The following AUTS2 variants were observed in gnomAD, a reference collection of about 807,000 sequenced individuals.
The protein encoded by AUTS2 is activator of transcription and developmental regulator AUTS2, also known as autism susceptibility gene 2 protein.
A neutral mutation model predicts 112.4 loss-of-function variants in AUTS2; 17 were observed. That is an observed-to-expected ratio of 0.15 (90% CI 0.10 to 0.23). The LOEUF (loss-of-function observed/expected upper bound fraction) is 0.23, where lower values mean the gene tolerates loss of function less well. Among genes scored for constraint, AUTS2 ranks in the 10% least tolerant of loss-of-function variants. The pLI is 1.00. For missense variants in AUTS2, 1,510 were observed against 1,701.6 expected (o/e 0.89, Z 1.98); for synonymous variants, 751 against 702.7 (o/e 1.07, Z -1.09).
intron 2 of AUTS2, among the ~76,000 whole-genome samples, chr7:70,045,334 T>G (rs1444053944): frequency 6.6e-6 from 1 of 152,152 alleles, no homozygotes; most frequent in Admixed American, 6.5e-5. Flanking sequence ...CAGTTCTAAT[T>G]GAGGTGTGCT....
intron 4 of AUTS2, among the ~76,000 whole-genome samples, chr7:70,147,041 A>G (rs1400795569): frequency 2.0e-5 from 3 of 152,114 alleles, no homozygotes; most frequent in African/African-American, 7.2e-5. Flanking sequence ...CACATTACCA[A>G]GTTGTTACAA....
rs763424098 is a variant in AUTS2, at chr7:69,891,774, C to CTTTTTTTTTTTTTTTTTTTTTTTT, written c.310-7498_310-7475dup. On this transcript the variant is annotated intron_variant, in intron 1 of 18. Transcript: ENST00000342771. ...ATTCATTCACTTTCCAGACAGATAT[C>CTTTTTTTTTTTTTTTTTTTTTTTT]TTTTTTTTTTTTTTTTTTTTTTTTT... Among the ~76,000 whole-genome samples the CTTTTTTTTTTTTTTTTTTTTTTTT allele has an allele frequency of 1.1e-4, 3 of 26,734 alleles. 1 individual carries two copies. The highest frequency in any genetic ancestry group is 1.1e-4 in the African/African-American group (1 of 9,286). 17.5% of individuals were successfully genotyped at this position (26,734 alleles called of 152,430 possible). A position where few individuals can be genotyped will look rare whatever the true frequency, so the allele number is the denominator to read the frequency against.
intron 2 of AUTS2, among the ~76,000 whole-genome samples, chr7:70,043,901 G>A (rs1261657463): frequency 6.6e-6 from 1 of 151,892 alleles, no homozygotes; most frequent in East Asian, 1.9e-4. Flanking sequence ...GAGCCACTGG[G>A]CCCGGCCTCC....
chr7:70,591,487 C>T (rs1220081672), intron 5 of AUTS2, among the ~76,000 whole-genome samples: 1 of 152,150 alleles, frequency 6.6e-6, no homozygotes, highest in African/African-American at 2.4e-5. Flanking sequence ...CAACCTCCAC[C>T]TCCAGGTTCA....
chr7:69,959,705 T>C (rs1797355379), intron 2 of AUTS2, among the ~76,000 whole-genome samples: 1 of 152,192 alleles, frequency 6.6e-6, no homozygotes, highest in Non-Finnish European at 1.5e-5. Flanking sequence ...TCTGAACTAT[T>C]TCTCTCTCTT....
intron 1 of AUTS2, among the ~76,000 whole-genome samples, chr7:69,843,736 C>G (rs553127715): frequency 1.4e-4 from 22 of 152,192 alleles, no homozygotes; most frequent in Admixed American, 4.6e-4. Flanking sequence ...TCTCATGGCC[C>G]TAGCTCAAAT....
At chr7:70,576,598 T>C (rs1802179494) in intron 5 of AUTS2, among the ~76,000 whole-genome samples, 1 of 152,178 alleles carries the variant, frequency 6.6e-6, no homozygotes, top group African/African-American at 2.4e-5. Context: ...CAACATCTTC[T>C]GTGTAATTTC....
intron 1 of AUTS2, among the ~76,000 whole-genome samples, chr7:69,700,398 A>AT (rs956501568): frequency 1.6e-4 from 23 of 148,260 alleles, no homozygotes; most frequent in Admixed American, 4.7e-4. Context: ...GATTACGGGG[A>AT]TTTTTTTTTT....
intron 4 of AUTS2, among the ~76,000 whole-genome samples, chr7:70,158,606 G>A (rs2129577104): frequency 6.6e-6 from 1 of 152,276 alleles, no homozygotes; most frequent in African/African-American, 2.4e-5. Flanking sequence ...CATTTTGGGT[G>A]TATTCATTTT....
chr7:69,749,791 A>G (rs1490474731), intron 1 of AUTS2, among the ~76,000 whole-genome samples: 1 of 152,230 alleles, frequency 6.6e-6, no homozygotes, highest in Non-Finnish European at 1.5e-5. Context: ...ACAAAAATAA[A>G]TAACAGCAAG....
At chr7:70,546,529 A>G (rs1440082762) in intron 5 of AUTS2, among the ~76,000 whole-genome samples, 1 of 152,210 alleles carries the variant, frequency 6.6e-6, no homozygotes, top group African/African-American at 2.4e-5. Context: ...CTGTAATCCC[A>G]GCACTTTGGG....
intron 5 of AUTS2, among the ~76,000 whole-genome samples, chr7:70,652,335 AAAG>A (rs1806549279): frequency 2.1e-5 from 3 of 145,968 alleles, no homozygotes; most frequent in Non-Finnish European, 4.6e-5. Context: ...AACACCAGCA[AAAG>A]TACTTCTGCC....
At chr7:70,190,309 G>A (rs968181490) in intron 4 of AUTS2, among the ~76,000 whole-genome samples, 3 of 152,136 alleles carry the variant, frequency 2.0e-5, no homozygotes, top group African/African-American at 7.2e-5. Flanking sequence ...AACGGAAAAA[G>A]AAATAGTGTA....
Position 69,899,318 on chromosome 7 carries a change from G to A in AUTS2, c.342G>A (p.Val114=). The change falls in exon 2 of 19, where the codon GTG becomes GTA. Residue 114 remains valine (V), a synonymous_variant. Transcript: ENST00000342771. ...TAGCACTTAAGCCTCAGGAACGTGT[G>A]GAGAAACGCCAGACGCCCCTGACCA... The part of the protein sequence containing the change: ...KDVALKPQER[V]EKRQTPLTKK... The A allele has an allele frequency of 6.2e-7, 1 of 1,613,936 alleles. No individual in the cohort carries two copies.
chr7:70,191,634 A>G (rs1258942591), intron 4 of AUTS2, among the ~76,000 whole-genome samples: 1 of 152,234 alleles, frequency 6.6e-6, no homozygotes, highest in Non-Finnish European at 1.5e-5. Flanking sequence ...TAATACAGTC[A>G]GAAGATGATT....
At chr7:70,313,249 C>T (rs550985775) in intron 4 of AUTS2, among the ~76,000 whole-genome samples, 1 of 152,212 alleles carries the variant, frequency 6.6e-6, no homozygotes, top group Admixed American at 6.5e-5. Flanking sequence ...ATTTATAACA[C>T]TTGTCCCACA....
In AUTS2 at chr7:69,770,858, A is replaced by T. The variant is rs555059803; in HGVS notation, c.310-128428A>T. Among the ~76,000 whole-genome samples the T allele has an allele frequency of 5.9e-5, 9 of 152,192 alleles. No individual in the cohort carries two copies. The South Asian group carries it at 1.9e-3, about 32-fold the overall frequency. ...TTAATGACATCATTTAACGTTAAGG[A>T]TAAATATAAAACCGATCTGTTCATG... On this transcript the variant is annotated intron_variant, in intron 1 of 18. Coordinates refer to ENST00000342771, the MANE Select transcript of AUTS2 (RefSeq NM_015570.4).
intron 5 of AUTS2, among the ~76,000 whole-genome samples, chr7:70,643,573 A>T (rs939501868): frequency 1.9e-4 from 29 of 152,218 alleles, no homozygotes; most frequent in Non-Finnish European, 3.4e-4. Flanking sequence ...CCGTCTAAAA[A>T]AAATAAAATA....
intron 1 of AUTS2, among the ~76,000 whole-genome samples, chr7:69,856,773 T>C (rs1792743786): frequency 1.3e-5 from 2 of 152,218 alleles, no homozygotes; most frequent in African/African-American, 4.8e-5. Context: ...TCTTTCCTTG[T>C]TGTACCCTTG....
Sources: allele counts gnomAD v4.1 joint callset (sites outside exome capture counted in the v4.1 genomes callset), GRCh38; gene constraint gnomAD v4.1.1; transcripts MANE v1.5; gene names NCBI Gene and HGNC (gene_info 2026-07-23, HGNC 2026-07-21).